The following NEGR1 variants were observed in gnomAD, a reference collection of about 807,000 sequenced individuals.
NEGR1 encodes the protein neuronal growth regulator 1.
A neutral mutation model predicts 40.9 loss-of-function variants in NEGR1; 10 were observed. The ratio of observed to expected loss-of-function variants is 0.24; its 90% CI spans 0.15 to 0.42. The LOEUF (loss-of-function observed/expected upper bound fraction) is 0.42. Among genes scored for constraint, NEGR1 ranks in the 10% least tolerant of loss-of-function variants. NEGR1 has a pLI of 1.00. For missense variants in NEGR1, 352 were observed against 438.9 expected, an observed-to-expected ratio of 0.80 and a Z score of 1.77; for synonymous variants, 185 against 166.8, an observed-to-expected ratio of 1.11 and a Z score of -0.84.
intron 2 of NEGR1, among the ~76,000 whole-genome samples, chr1:71,810,603 C>G (rs892461335): frequency 6.6e-6 from 1 of 152,170 alleles, no homozygotes; most frequent in Admixed American, 6.6e-5. Flanking sequence ...AACCTCATGT[C>G]GAATTATAAT....
At chr1:71,652,528 C>T (rs12076939) in intron 4 of NEGR1, among the ~76,000 whole-genome samples, 2,512 of 152,228 alleles carry the variant, frequency 0.017, 61 homozygotes, top group African/African-American at 0.057. Flanking sequence ...GTAGTTACTA[C>T]AGACACCATA....
chr1:72,015,312 T>A (rs1646699447), intron 1 of NEGR1, among the ~76,000 whole-genome samples: 1 of 152,186 alleles, frequency 6.6e-6, no homozygotes, highest in East Asian at 1.9e-4. Context: ...AAGTTTAAAG[T>A]ATTAGCGTGG....
intron 2 of NEGR1, among the ~76,000 whole-genome samples, chr1:71,814,369 TTTC>T (rs1485891476): frequency 6.6e-6 from 1 of 152,094 alleles, no homozygotes; most frequent in African/African-American, 2.4e-5. Context: ...TGTCTGAAGT[TTTC>T]TTTTTTGTGT....
chr1:71,729,020 G>T (rs1318652014), intron 3 of NEGR1, among the ~76,000 whole-genome samples: 2 of 151,954 alleles, frequency 1.3e-5, no homozygotes, highest in East Asian at 1.9e-4. Context: ...TTTTACCACG[G>T]CTTAAAACTT....
At chr1:72,217,640 A>T (rs1266222831) in intron 1 of NEGR1, among the ~76,000 whole-genome samples, 1 of 151,878 alleles carries the variant, frequency 6.6e-6, no homozygotes, top group Non-Finnish European at 1.5e-5. Flanking sequence ...AGAAATAATC[A>T]TGTATCTTGT....
intron 1 of NEGR1, among the ~76,000 whole-genome samples, chr1:72,097,508 C>A (rs914204948): frequency 5.3e-5 from 8 of 152,098 alleles, no homozygotes; most frequent in African/African-American, 1.7e-4. Flanking sequence ...CTTTACCCCC[C>A]AAAATTTCCT....
intron 1 of NEGR1, among the ~76,000 whole-genome samples, chr1:72,269,939 A>G (rs1189960910): frequency 6.6e-6 from 1 of 151,844 alleles, no homozygotes; most frequent in East Asian, 1.9e-4. Flanking sequence ...CGATGTTTTT[A>G]ATCACTGTAG....
chr1:71,649,870 CTT>C (rs1651654117), intron 4 of NEGR1, among the ~76,000 whole-genome samples: 1 of 152,076 alleles, frequency 6.6e-6, no homozygotes, highest in Non-Finnish European at 1.5e-5. Context: ...AGTCAGATAA[CTT>C]TTGCCACTCA....
At chr1:71,459,578 T>A (rs1334849673) in intron 6 of NEGR1, among the ~76,000 whole-genome samples, 11 of 152,166 alleles carry the variant, frequency 7.2e-5, no homozygotes, top group Non-Finnish European at 2.9e-5. Context: ...TTAAGCTTTT[T>A]TTTACCTTTA....
At chr1:71,712,750 G>A (rs984313567) in intron 3 of NEGR1, among the ~76,000 whole-genome samples, 1 of 152,130 alleles carries the variant, frequency 6.6e-6, no homozygotes, top group African/African-American at 2.4e-5. Flanking sequence ...GATGGTCCTG[G>A]AGGGTGGTGA....
chr1:72,244,589 T>C (rs1215593470), intron 1 of NEGR1, among the ~76,000 whole-genome samples: 1 of 151,938 alleles, frequency 6.6e-6, no homozygotes, highest in Admixed American at 6.6e-5. Flanking sequence ...ATTCTTATTA[T>C]TTGTGGTAGT....
intron 3 of NEGR1, among the ~76,000 whole-genome samples, chr1:71,764,981 T>C (rs1251269935): frequency 6.6e-6 from 1 of 151,912 alleles, no homozygotes; most frequent in Non-Finnish European, 1.5e-5. Context: ...GCTCAGTGGT[T>C]GGACCGAGAA....
chr1:71,431,534 TCATCCATCCATC>T (rs60332811), intron 6 of NEGR1, among the ~76,000 whole-genome samples: 11 of 151,482 alleles, frequency 7.3e-5, no homozygotes, highest in Non-Finnish European at 1.3e-4. Flanking sequence ...ATTTATCCAA[TCATCCATCCATC>T]CATCCATCCA....
chr1:72,199,150 C>CAGAGAGAGAGAGAGAG (rs34602311), intron 1 of NEGR1, among the ~76,000 whole-genome samples: 1 of 115,164 alleles, frequency 8.7e-6, no homozygotes, highest in African/African-American at 3.3e-5. Context: ...GATAGACAGA[C>CAGAGAGAGAGAGAGAG]AGAGAGAGAG....
intron 6 of NEGR1, among the ~76,000 whole-genome samples, chr1:71,514,173 G>C (rs2101421102): frequency 1.4e-5 from 2 of 145,422 alleles, no homozygotes; most frequent in East Asian, 4.1e-4. Flanking sequence ...GCCCAGGCTT[G>C]CTTAGGTAAA....
chr1:72,135,436 A>G (rs1329433842), intron 1 of NEGR1, among the ~76,000 whole-genome samples: 2 of 151,600 alleles, frequency 1.3e-5, no homozygotes, highest in African/African-American at 4.8e-5. Context: ...AAAAAAAAAA[A>G]AAAGAAATAA....
At chr1:71,594,344 C>T (rs1474621198) in intron 5 of NEGR1, among the ~76,000 whole-genome samples, 1 of 152,052 alleles carries the variant, frequency 6.6e-6, no homozygotes, top group African/African-American at 2.4e-5. Flanking sequence ...TATGAAAATG[C>T]TAATAAATGG....
chr1:71,594,206 A>G (rs1284972385), intron 5 of NEGR1, among the ~76,000 whole-genome samples: 1 of 152,206 alleles, frequency 6.6e-6, no homozygotes, highest in East Asian at 1.9e-4. Context: ...TAACTTCTAC[A>G]CAATTTACCC....
intron 1 of NEGR1, among the ~76,000 whole-genome samples, chr1:71,986,748 C>T (rs947402262): frequency 1.3e-5 from 2 of 152,188 alleles, no homozygotes; most frequent in African/African-American, 4.8e-5. Context: ...GTGGCTTCAC[C>T]GGACTGTGTC....
Sources: gnomAD v4.1 joint callset for allele counts (sites outside exome capture counted in the v4.1 genomes callset) on GRCh38, gnomAD v4.1.1 for gene constraint, MANE v1.5 for transcripts, NCBI Gene and HGNC (gene_info 2026-07-23, HGNC 2026-07-21) for gene names.